The following RBM47 variants were observed in gnomAD, a reference collection of about 807,000 sequenced individuals.
RBM47 encodes RNA binding motif protein 47, also known as RNA-binding protein 47.
Under a neutral mutation model 47.1 loss-of-function variants are expected in RBM47, and 21 were observed. The observed-to-expected ratio is 0.45, with a 90% CI of 0.32 to 0.64. The LOEUF is 0.64. Among genes scored for constraint, RBM47 ranks in the 30% least tolerant of loss-of-function variants. RBM47 has a pLI of 0.05. For synonymous variants in RBM47, 375 were observed against 361.7 expected (o/e 1.04, Z -0.42); for missense variants, 708 against 870.9 (o/e 0.81, Z 2.35).
At chr4:40,615,169 C>T (rs1482249278) in intron 1 of RBM47, among the ~76,000 whole-genome samples, 1 of 152,096 alleles carries the variant, frequency 6.6e-6, no homozygotes, top group Non-Finnish European at 1.5e-5. Flanking sequence ...GCATGGCATA[C>T]AGTGGGTGCT....
chr4:40,556,433 T>C (rs1437756217), intron 1 of RBM47, among the ~76,000 whole-genome samples: 1 of 151,728 alleles, frequency 6.6e-6, no homozygotes, highest in Non-Finnish European at 1.5e-5. Flanking sequence ...CCCAGCACTT[T>C]GGGAGGCCAA....
chr4:40,583,404 A>AG (rs1733176959), intron 1 of RBM47, among the ~76,000 whole-genome samples: 2 of 150,758 alleles, frequency 1.3e-5, no homozygotes, highest in Admixed American at 6.6e-5. Flanking sequence ...AAAAAAAAAA[A>AG]AAAAAAAAAA....
intron 1 of RBM47, among the ~76,000 whole-genome samples, chr4:40,581,936 C>A (rs989407741): frequency 6.6e-6 from 1 of 151,988 alleles, no homozygotes; most frequent in Non-Finnish European, 1.5e-5. Context: ...CTCATTATCT[C>A]CCCCGAACCC....
intron 2 of RBM47, among the ~76,000 whole-genome samples, chr4:40,518,364 T>C (rs1439758199): frequency 6.6e-6 from 1 of 151,678 alleles, no homozygotes; most frequent in Non-Finnish European, 1.5e-5. Flanking sequence ...TTTTTAGAGA[T>C]GGGGTTTCAC....
rs142810928 is a variant in RBM47, at chr4:40,485,048, T to C, written c.-154-18349A>G. Among the ~76,000 whole-genome samples the C allele has an allele frequency of 9.2e-5, 14 of 152,318 alleles. No homozygotes were observed. The East Asian group carries it at 2.3e-3, about 25-fold the overall frequency. Reference sequence around the variant, plus strand: ...TTGTTTTTGTTAAGACTGTCTCTTGTAAAAAATGTTTGCACAGTTGTCATA... The same window carrying C: ...TTGTTTTTGTTAAGACTGTCTCTTGCAAAAAATGTTTGCACAGTTGTCATA... On this transcript the variant is annotated intron_variant, in intron 2 of 6. Coordinates refer to ENST00000295971, the MANE Select transcript of RBM47 (RefSeq NM_001098634.2).
chr4:40,481,445 GTATTATTATTATTAT>G lies in RBM47; in HGVS notation c.-154-14761_-154-14747del, dbSNP rs71647001. On this transcript the variant is annotated intron_variant, in intron 2 of 6. Coordinates refer to ENST00000295971, the MANE Select transcript of RBM47 (RefSeq NM_001098634.2). ...ATGTCACCATTCCCTGCTAATTTTTGTATTATTATTATTATTATTATTATTATTATTATTATTATT... is the reference window on the plus strand; with the variant it reads ...ATGTCACCATTCCCTGCTAATTTTTGTATTATTATTATTATTATTATTATT... Among the ~76,000 whole-genome samples the G allele has an allele frequency of 9.5e-4, 120 of 126,962 alleles. No homozygotes were observed. The South Asian group carries it at 0.014, about 14-fold the overall frequency. 83.3% of individuals were successfully genotyped at this position (126,962 alleles called of 152,430 possible).
chr4:40,445,657 C>G (rs1228480446), intron 3 of RBM47, among the ~76,000 whole-genome samples: 1 of 152,170 alleles, frequency 6.6e-6, no homozygotes. Context: ...TGGTTACTGA[C>G]CAGAGCCTGC....
intron 1 of RBM47, among the ~76,000 whole-genome samples, chr4:40,549,108 T>C (rs539807858): frequency 7.2e-6 from 1 of 139,374 alleles, no homozygotes; most frequent in Non-Finnish European, 1.5e-5. Flanking sequence ...TTCTTTTTTT[T>C]TGGGGGGGGG....
rs945901791 is a variant in RBM47, at chr4:40,450,556, C to T, written c.-31-11632G>A. Reference sequence around the variant, plus strand: ...GGCGGAGGTTGCAGTGAGCCAAGATCGCACCAATGCACTCCAGCCTGGGTG... The same window carrying T: ...GGCGGAGGTTGCAGTGAGCCAAGATTGCACCAATGCACTCCAGCCTGGGTG... On this transcript the variant is annotated intron_variant, in intron 3 of 6. Coordinates refer to ENST00000295971, the MANE Select transcript of RBM47 (RefSeq NM_001098634.2). Among the ~76,000 whole-genome samples the T allele has an allele frequency of 3.9e-5, 6 of 152,008 alleles. No individual in the cohort carries two copies. In the East Asian group the frequency reaches 1.2e-3, roughly 29 times the overall value.
chr4:40,463,460 T>A (rs185824198), intron 3 of RBM47, among the ~76,000 whole-genome samples: 1 of 152,142 alleles, frequency 6.6e-6, no homozygotes, highest in East Asian at 1.9e-4. Flanking sequence ...GGAAAAAGTA[T>A]GGTGGTGCTT....
At chr4:40,618,014 G>A (rs911466397) in intron 1 of RBM47, among the ~76,000 whole-genome samples, 2 of 152,168 alleles carry the variant, frequency 1.3e-5, no homozygotes, top group Non-Finnish European at 2.9e-5. Flanking sequence ...GCTGAGGCAA[G>A]CTGATTGCTT....
At position 40,437,804 on chromosome 4, in the gene RBM47, G is replaced by A; in HGVS notation, c.1090C>T (p.Leu364Phe). 1 of 1,609,320 alleles carries A rather than the reference G, an allele frequency of 6.2e-7. No homozygotes were observed. Among genetic ancestry groups the A allele is most frequent in the South Asian group, 1.1e-5 (1 of 90,984 alleles). The change falls in exon 4 of 7, where the codon CTC becomes TTC. Residue 364 changes from leucine (L) to phenylalanine (F), a missense_variant. Leu to Phe is a conservative substitution (Grantham distance 22). Transcript: ENST00000295971. ...LAYYGYPYNALIGPNRDYFVK... is the reference protein window; with the variant it reads ...LAYYGYPYNAFIGPNRDYFVK... ...AAGTAGTCCCTGTTGGGCCCAATGAGCGCGTTGTAGGGGTAGCCGTAGTAG... is the reference window on the plus strand; with the variant it reads ...AAGTAGTCCCTGTTGGGCCCAATGAACGCGTTGTAGGGGTAGCCGTAGTAG...
chr4:40,458,065 T>C (rs1716562421), intron 3 of RBM47, among the ~76,000 whole-genome samples: 1 of 152,256 alleles, frequency 6.6e-6, no homozygotes, highest in South Asian at 2.1e-4. Context: ...TCCTCCTAAT[T>C]TGAAACTATA....
At position 40,565,451 on chromosome 4, in the gene RBM47, C is replaced by A. The variant is rs148982097; in HGVS notation, c.-239-20945G>T. Among the ~76,000 whole-genome samples, 253 of 152,164 alleles carry A rather than the reference C, an allele frequency of 1.7e-3. 1 individual carries two copies. The highest frequency in any genetic ancestry group is 6.0e-3 in the African/African-American group (248 of 41,514). On this transcript the variant is annotated intron_variant, in intron 1 of 6. Transcript: ENST00000295971. ...GGGGAAGGGGCAAGGGAGGCCTGGC[C>A]GGTGGTGGTGGACACATAGGAGGCT...
intron 3 of RBM47, among the ~76,000 whole-genome samples, chr4:40,451,749 T>G (rs1056656444): frequency 6.6e-6 from 1 of 152,230 alleles, no homozygotes; most frequent in African/African-American, 2.4e-5. Context: ...ATGAATTGAT[T>G]CATTCCCTCG....
chr4:40,437,624 T>A (rs1712861004), intron 4 of RBM47, 147 bp downstream of exon 4: 1 of 736,142 alleles, frequency 1.4e-6, no homozygotes, highest in Admixed American at 2.9e-5. Context: ...AGGAAAGAAT[T>A]AGACCCAGAA....
chr4:40,525,268 T>A (rs1282615827), intron 2 of RBM47, among the ~76,000 whole-genome samples: 1 of 152,130 alleles, frequency 6.6e-6, no homozygotes, highest in African/African-American at 2.4e-5. Context: ...CGAAACCCTG[T>A]CTCTACTAAA....
chr4:40,564,393 C>T (rs1417232136), intron 1 of RBM47, among the ~76,000 whole-genome samples: 1 of 152,222 alleles, frequency 6.6e-6, no homozygotes, highest in East Asian at 1.9e-4. Flanking sequence ...ACCCCCGAAC[C>T]TGCACACACA....
chr4:40,491,042 G>A (rs757465519), intron 2 of RBM47, among the ~76,000 whole-genome samples: 1 of 152,174 alleles, frequency 6.6e-6, no homozygotes, highest in Non-Finnish European at 1.5e-5. Flanking sequence ...CAGTAAACGA[G>A]ACAGTGTATA....
Sources: gnomAD v4.1 joint callset for allele counts (sites outside exome capture counted in the v4.1 genomes callset) on GRCh38, gnomAD v4.1.1 for gene constraint, MANE v1.5 for transcripts, NCBI Gene and HGNC (gene_info 2026-07-23, HGNC 2026-07-21) for gene names.